The following WSCD2 variants were observed in gnomAD, a reference collection of about 807,000 sequenced individuals.
WSCD2 encodes the protein sialate:O-sulfotransferase 2.
Under a neutral mutation model 55.7 loss-of-function variants are expected in WSCD2, and 28 were observed. That is an observed-to-expected ratio of 0.50 (90% CI 0.37 to 0.69). WSCD2 has a LOEUF of 0.69. Ranked by LOEUF, WSCD2 falls within the 30% of genes least tolerant of loss-of-function variation. The probability of loss-of-function intolerance (pLI) is 0.00; values close to 1 mark genes in which losing one functional copy is unlikely to be tolerated. For synonymous variants in WSCD2, 301 were observed against 301.9 expected (o/e 1.00, Z 0.03); for missense variants, 616 against 762.1 (o/e 0.81, Z 2.26).
chr12:108,179,165 C>T (rs1321583062), intron 1 of WSCD2, among the ~76,000 whole-genome samples: 1 of 151,886 alleles, frequency 6.6e-6, no homozygotes, highest in East Asian at 1.9e-4. Flanking sequence ...AACTCTAGTC[C>T]CTGGACCAGC....
chr12:108,232,488 T>C (rs1888877048), intron 6 of WSCD2, among the ~76,000 whole-genome samples: 1 of 152,062 alleles, frequency 6.6e-6, no homozygotes, highest in Admixed American at 6.6e-5. Context: ...GCACTGTGCT[T>C]ATCCCTTTCC....
chr12:108,210,507 T>C lies in WSCD2; in HGVS notation c.682+202T>C, dbSNP rs1211384499. Reference sequence around the variant, plus strand: ...TCCTTTGAATGGTCCTGCATGCGCTTTTCTCTCCCTCCCACTGAGCTGCGT... The same window carrying C: ...TCCTTTGAATGGTCCTGCATGCGCTCTTCTCTCCCTCCCACTGAGCTGCGT... On this transcript the variant is annotated intron_variant, in intron 4 of 8. Coordinates refer to ENST00000547525, the MANE Select transcript of WSCD2 (RefSeq NM_014653.4). This position sits in a 1 kb window ranked among gnomAD's most constrained non-coding sequence, Gnocchi z 4.3. Among the ~76,000 whole-genome samples the C allele has an allele frequency of 6.6e-6, 1 of 152,122 alleles. No individual in the cohort carries two copies. Among genetic ancestry groups the C allele is most frequent in the East Asian group, 1.9e-4 (1 of 5,192 alleles).
intron 1 of WSCD2, among the ~76,000 whole-genome samples, chr12:108,192,426 C>T (rs1883302771): frequency 6.6e-6 from 1 of 152,160 alleles, no homozygotes; most frequent in African/African-American, 2.4e-5. Flanking sequence ...TGCCTGAGTG[C>T]CTCTGGAAGG....
Position 108,232,714 on chromosome 12 carries a change from T to C in WSCD2, c.980-17T>C, listed in dbSNP as rs779644915. 1 of 1,600,918 alleles carries C rather than the reference T, an allele frequency of 6.2e-7. No homozygotes were observed. The highest frequency in any genetic ancestry group is 8.5e-7 in the Non-Finnish European group (1 of 1,172,000). On this transcript the variant is annotated splice_polypyrimidine_tract_variant and intron_variant, in intron 6 of 8. Transcript: ENST00000547525. ...TGCCCCTGGTGTTGACCTCTGTCCA[T>C]GCTCCGCCCTTTTCAGACAACCGTT...
chr12:108,212,699 T>A (rs1238767808), intron 4 of WSCD2, among the ~76,000 whole-genome samples: 1 of 150,914 alleles, frequency 6.6e-6, no homozygotes, highest in Non-Finnish European at 1.5e-5. Flanking sequence ...TCATTGGCCA[T>A]GGGTGAGCTG....
intron 1 of WSCD2, among the ~76,000 whole-genome samples, chr12:108,173,748 G>A (rs1475532724): frequency 6.6e-6 from 1 of 150,436 alleles, no homozygotes; most frequent in Non-Finnish European, 1.5e-5. Flanking sequence ...ACACACAGTC[G>A]GCCTTTATTT....
At position 108,195,478 on chromosome 12, in the gene WSCD2, A is replaced by C. The variant is rs1883796636; in HGVS notation, c.-355A>C. 4.7e-6 allele frequency: 1 copy of C among 211,874 alleles called. No individual in the cohort carries two copies. Among genetic ancestry groups the C allele is most frequent in the Non-Finnish European group, 9.3e-6 (1 of 107,542 alleles). The allele number at this position is 211,874 out of a possible 1,614,324, so 13.1% of individuals were successfully genotyped here. ...ACTGCAGCTGCTGGTAACCCTCAGA[A>C]ACCTTCTCCAAGTGCTATTCTCACA... On this transcript the variant is annotated 5_prime_UTR_variant, in exon 2 of 9. Transcript: ENST00000547525.
Position 108,134,895 on chromosome 12 carries a change from G to C in WSCD2, c.-552+4969G>C, listed in dbSNP as rs953382729. ...CCAGGTGACACAGCTCAGAAGCCAG[G>C]CTTTCTGGGATTTGCACACAGATCA... is the stretch of plus-strand genomic sequence containing the variant. On this transcript the variant is annotated intron_variant, in intron 1 of 8. Coordinates refer to ENST00000547525, the MANE Select transcript of WSCD2 (RefSeq NM_014653.4). Among the ~76,000 whole-genome samples, 11 of 152,258 alleles carry C rather than the reference G, an allele frequency of 7.2e-5. No individual in the cohort carries two copies. In the East Asian group the frequency reaches 2.1e-3, roughly 29 times the overall value.
At chr12:108,178,869 G>A (rs555909208) in intron 1 of WSCD2, among the ~76,000 whole-genome samples, 10 of 152,292 alleles carry the variant, frequency 6.6e-5, no homozygotes, top group Admixed American at 3.3e-4. Context: ...AACCGCCTAC[G>A]TAGAAAACAC....
In WSCD2 at chr12:108,226,982, A is replaced by C; in HGVS notation, c.805-8A>C. On this transcript the variant is annotated splice_polypyrimidine_tract_variant and splice_region_variant and intron_variant, in intron 5 of 8. Coordinates refer to ENST00000547525, the MANE Select transcript of WSCD2 (RefSeq NM_014653.4). ...TCTCTTCCTCTTCTTCTCCCACTCC[A>C]TCCCCAGGAGTACCCGCTGGCAGCT... 1 of 1,611,814 alleles carries C rather than the reference A, an allele frequency of 6.2e-7. No individual in the cohort carries two copies. The highest frequency in any genetic ancestry group is 8.5e-7 in the Non-Finnish European group (1 of 1,179,058).
intron 1 of WSCD2, among the ~76,000 whole-genome samples, chr12:108,153,779 A>G (rs1019359287): frequency 1.3e-5 from 2 of 152,146 alleles, no homozygotes; most frequent in Non-Finnish European, 2.9e-5. Flanking sequence ...ATATCCTGCC[A>G]GGGCCTCCCG....
Position 108,224,998 on chromosome 12 carries a change from G to A in WSCD2, c.804+138G>A, listed in dbSNP as rs1264653678. 3.1e-6 allele frequency: 4 copies of A among 1,291,072 alleles called. No individual in the cohort carries two copies. The African/African-American group carries it at 4.4e-5, about 14-fold the overall frequency. The allele number at this position is 1,291,072 out of a possible 1,614,324, so 80.0% of individuals were successfully genotyped here. A position where few individuals can be genotyped will look rare whatever the true frequency, so the allele number is the denominator to read the frequency against. On this transcript the variant is annotated intron_variant, in intron 5 of 8. Transcript: ENST00000547525. ...GTTGACTGGGATCTATGACGTGGGA[G>A]AGGGATGTGACCATTTCACGTGGAT...
intron 4 of WSCD2, among the ~76,000 whole-genome samples, chr12:108,213,399 A>G (rs1886459728): frequency 6.6e-6 from 1 of 152,202 alleles, no homozygotes. Flanking sequence ...GTTCTAATTC[A>G]TGATCAAAAG....
At chr12:108,180,890 C>T (rs1198317852) in intron 1 of WSCD2, among the ~76,000 whole-genome samples, 1 of 152,244 alleles carries the variant, frequency 6.6e-6, no homozygotes, top group Non-Finnish European at 1.5e-5. Flanking sequence ...CCTGTGGGAC[C>T]ACACAGTGCA....
intron 1 of WSCD2, among the ~76,000 whole-genome samples, chr12:108,172,781 G>A (rs1421046993): frequency 6.6e-6 from 1 of 152,140 alleles, no homozygotes; most frequent in African/African-American, 2.4e-5. Context: ...CTGTGAGAGA[G>A]TAAACTTTTG....
At chr12:108,169,704 C>A (rs1427961670) in intron 1 of WSCD2, among the ~76,000 whole-genome samples, 1 of 152,102 alleles carries the variant, frequency 6.6e-6, no homozygotes, top group African/African-American at 2.4e-5. Context: ...ATTAGACTGG[C>A]AGCATGTAGG....
chr12:108,160,911 T>C (rs1329837995), intron 1 of WSCD2, among the ~76,000 whole-genome samples: 3 of 152,216 alleles, frequency 2.0e-5, no homozygotes, highest in Non-Finnish European at 4.4e-5. Context: ...CCTGGCCTTG[T>C]CCCACCACCT....
intron 6 of WSCD2, among the ~76,000 whole-genome samples, chr12:108,229,893 C>T (rs1449359523): frequency 1.3e-5 from 2 of 151,812 alleles, no homozygotes; most frequent in Non-Finnish European, 2.9e-5. Context: ...GTCAAACCTC[C>T]AGAAAAGTCG....
At chr12:108,146,107 G>A (rs1877364915) in intron 1 of WSCD2, among the ~76,000 whole-genome samples, 1 of 152,220 alleles carries the variant, frequency 6.6e-6, no homozygotes, top group African/African-American at 2.4e-5. Context: ...CATGGGGTGT[G>A]CATTCATTGT....
Sources: allele counts gnomAD v4.1 joint callset (sites outside exome capture counted in the v4.1 genomes callset), GRCh38; gene constraint gnomAD v4.1.1; non-coding constraint Gnocchi (gnomAD v3.1); transcripts MANE v1.5; gene names NCBI Gene and HGNC (gene_info 2026-07-23, HGNC 2026-07-21).